Variants in RADIL observed in about 807,000 individuals in gnomAD.
RADIL encodes ras-associating and dilute domain-containing protein.
RADIL carries 99 observed loss-of-function variants against 97.6 expected under a neutral mutation model. That is an observed-to-expected ratio of 1.01 (90% CI 0.86 to 1.20). The LOEUF is 1.20. RADIL is among the 50% of genes most tolerant of loss of function. The pLI is 0.00. For synonymous variants in RADIL, 803 were observed against 691.8 expected (o/e 1.16, Z -2.52); for missense variants, 1,765 against 1,498.9 (o/e 1.18, Z -2.93).
rs748582271 is a variant in RADIL at position 4,815,237 on chromosome 7, C to T, written c.2139+41G>A. 8 of 1,482,476 alleles carry T rather than the reference C, an allele frequency of 5.4e-6. No individual in the cohort carries two copies. The African/African-American group carries it at 5.6e-5, about 10-fold the overall frequency. 91.8% of individuals were successfully genotyped at this position (1,482,476 alleles called of 1,614,324 possible). On this transcript the variant is annotated intron_variant, in intron 9 of 14. Transcript: ENST00000399583. The surrounding 1 kb of genome is among the most constrained non-coding windows in gnomAD (Gnocchi z 8.0). ...GCCAGGGACCCACAGCATGTGGCCC[C>T]GCCCCTCCCCACACTCGCCGCCTCC...
Position 4,835,221 on chromosome 7 carries a change from G to A in RADIL, c.802C>T (p.Leu268Phe), listed in dbSNP as rs561621936. The change falls in exon 4 of 15, where the codon CTC (leucine) becomes TTC (phenylalanine). Residue 268 changes from leucine (L) to phenylalanine (F), a missense_variant. By Grantham distance (22) the Leu-to-Phe change is conservative (BLOSUM62 0). Transcript: ENST00000399583. This position sits in a 1 kb window ranked among gnomAD's most constrained non-coding sequence, Gnocchi z 5.8. ...SQQHDSLVYV[L>F]NRDRHTVGQR... Reference sequence around the variant, plus strand: ...CCCACCGTGTGCCGGTCCCGGTTGAGCACATACACCAGGCTGTCCTGAAAC... The same window carrying A: ...CCCACCGTGTGCCGGTCCCGGTTGAACACATACACCAGGCTGTCCTGAAAC... 15 of 1,610,448 alleles carry A rather than the reference G, an allele frequency of 9.3e-6. No individual in the cohort carries two copies. Among genetic ancestry groups the A allele is most frequent in the Non-Finnish European group, 1.3e-5 (15 of 1,179,862 alleles).
chr7:4,802,329 T>TGGG (rs199667078), intron 11 of RADIL, among the ~76,000 whole-genome samples: 35 of 137,576 alleles, frequency 2.5e-4, no homozygotes, highest in East Asian at 6.4e-4. Context: ...GCATGCTGGC[T>TGGG]GGGCCCCCTC....
At chr7:4,846,404 C>G (rs1284036244) in intron 2 of RADIL, among the ~76,000 whole-genome samples, 1 of 152,050 alleles carries the variant, frequency 6.6e-6, no homozygotes, top group African/African-American at 2.4e-5. Context: ...CTCAGCCTCC[C>G]AAAGTGCTGG....
intron 2 of RADIL, among the ~76,000 whole-genome samples, chr7:4,846,331 G>C (rs527346072): frequency 2.0e-5 from 3 of 151,960 alleles, no homozygotes; most frequent in African/African-American, 7.2e-5. Context: ...ATTTTTAGGA[G>C]AGACGGGGTT....
chr7:4,856,988 A>G (rs1450616489), intron 2 of RADIL, among the ~76,000 whole-genome samples: 1 of 152,244 alleles, frequency 6.6e-6, no homozygotes, highest in African/African-American at 2.4e-5. Flanking sequence ...CCTTAATGCG[A>G]AAAGTCCACC....
At chr7:4,827,352 G>A (rs1160092638) in intron 5 of RADIL, among the ~76,000 whole-genome samples, 2 of 142,226 alleles carry the variant, frequency 1.4e-5, no homozygotes, top group Non-Finnish European at 3.0e-5. Flanking sequence ...ACGACAGAGC[G>A]AGACTGTCTC....
intron 9 of RADIL, chr7:4,811,404 C>T (rs1192412046): frequency 1.3e-5 from 2 of 150,262 alleles, no homozygotes; most frequent in African/African-American, 2.5e-5. Context: ...CAAGGTATTA[C>T]TGGTGTTTTA....
At chr7:4,832,258 G>A (rs972147353) in intron 4 of RADIL, 80 bp from the exon 5 acceptor site, 22 of 1,406,846 alleles carry the variant, frequency 1.6e-5, no homozygotes, top group Admixed American at 3.8e-5. Context: ...CGATACCATC[G>A]ACAGGAAAAC....
chr7:4,837,911 C>G lies in RADIL; in HGVS notation c.536-1306G>C. ...GCAGCCTTTCAGGTTAAGATCCATC[C>G]CCATCTGTGGCGGCCTTTCCTCCAA... On this transcript the variant is annotated intron_variant, in intron 2 of 14. Coordinates refer to ENST00000399583, the MANE Select transcript of RADIL (RefSeq NM_018059.5). The surrounding 1 kb of genome is among the most constrained non-coding windows in gnomAD (Gnocchi z 5.6). 9 of 985,388 alleles carry G rather than the reference C, an allele frequency of 9.1e-6. No individual in the cohort carries two copies. The highest frequency in any genetic ancestry group is 6.1e-5 in the Admixed American group (1 of 16,288). The allele number at this position is 985,388 out of a possible 1,614,324, so 61.0% of individuals were successfully genotyped here.
chr7:4,802,423 C>T (rs1782127585), intron 11 of RADIL, among the ~76,000 whole-genome samples: 1 of 143,660 alleles, frequency 7.0e-6, no homozygotes, highest in Admixed American at 6.9e-5. Flanking sequence ...TCCCCGGGCA[C>T]CTCGGGGCAC....
chr7:4,857,695 G>A (rs1474947074), intron 2 of RADIL: 1 of 152,560 alleles, frequency 6.6e-6, no homozygotes, highest in Non-Finnish European at 1.5e-5. Context: ...TCATATCTTA[G>A]ATTTAAATCG....
chr7:4,876,417 G>C (rs369110671), intron 2 of RADIL, among the ~76,000 whole-genome samples: 2 of 151,684 alleles, frequency 1.3e-5, no homozygotes, highest in African/African-American at 2.4e-5. Flanking sequence ...TCTCCTGCCT[G>C]AGCCTCCTGA....
At chr7:4,816,529 G>A (rs965258915) in intron 7 of RADIL, 64 bp from the exon 8 acceptor site, 10 of 1,375,576 alleles carry the variant, frequency 7.3e-6, no homozygotes, top group Non-Finnish European at 6.1e-6. Context: ...CGAACGGGGG[G>A]CCTGACCCAG....
rs1218895618 is a variant in RADIL at position 4,854,033 on chromosome 7, T to TA, written c.536-17429dup. On this transcript the variant is annotated intron_variant, in intron 2 of 14. Coordinates refer to ENST00000399583, the MANE Select transcript of RADIL (RefSeq NM_018059.5). This position sits in a 1 kb window ranked among gnomAD's most constrained non-coding sequence, Gnocchi z 5.1. ...TGTTGGGACTTCTCCGAAAGCTCCATAGGTGGGCAGTTTGCAGGTACACCT... is the reference window on the plus strand; with the variant it reads ...TGTTGGGACTTCTCCGAAAGCTCCATAAGGTGGGCAGTTTGCAGGTACACCT... 6.6e-6 allele frequency among the ~76,000 whole-genome samples: 1 copy of TA among 152,184 alleles called. No individual in the cohort carries two copies. The highest frequency in any genetic ancestry group is 2.4e-5 in the African/African-American group (1 of 41,428).
chr7:4,831,757 G>A (rs763600947), intron 5 of RADIL, among the ~76,000 whole-genome samples: 3 of 151,928 alleles, frequency 2.0e-5, no homozygotes, highest in East Asian at 3.9e-4. Flanking sequence ...GCATGGTGGT[G>A]CACACCTGCA....
At chr7:4,851,213 AAAAAG>A (rs375776305) in intron 2 of RADIL, among the ~76,000 whole-genome samples, 111 of 152,192 alleles carry the variant, frequency 7.3e-4, no homozygotes, top group African/African-American at 2.1e-3. Flanking sequence ...AAAAAAAGAA[AAAAAG>A]AAAAGAAAAG....
chr7:4,850,478 C>T (rs1212656390), intron 2 of RADIL, among the ~76,000 whole-genome samples: 2 of 152,162 alleles, frequency 1.3e-5, no homozygotes, highest in African/African-American at 4.8e-5. Context: ...TTTGCTGGGC[C>T]GAACCTAATT....
Position 4,867,548 on chromosome 7 carries a change from A to C in RADIL, c.535+10057T>G, listed in dbSNP as rs1784157400. On this transcript the variant is annotated intron_variant, in intron 2 of 14. Transcript: ENST00000399583. The surrounding 1 kb of genome is among the most constrained non-coding windows in gnomAD (Gnocchi z 4.1). ...GTAATCCCAGCACTTTGGGAGGCTG[A>C]GGTGGGAGGATCACTTGAGCCCAGG... Among the ~76,000 whole-genome samples the C allele has an allele frequency of 6.6e-6, 1 of 152,134 alleles. No individual in the cohort carries two copies.
rs768315363 is a variant in RADIL at position 4,816,459 on chromosome 7, A to T, written c.1735T>A (p.Tyr579Asn). ...QCVYYVSKSL[Y>N]ICLPALLECP... is the part of the protein sequence containing the mutation. ...TCCAGGAGTGCCGGGAGGCAGATGT[A>T]CAGGGACTGGCGGGGGCAAGAGGAG... Residue 579 changes from tyrosine to asparagine, a missense_variant, in exon 8 of 15, where the codon TAC becomes AAC. Tyr to Asn is a moderately radical substitution (Grantham distance 143). Transcript: ENST00000399583. 9.3e-6 allele frequency: 15 copies of T among 1,606,010 alleles called. No individual in the cohort carries two copies. The East Asian group carries it at 3.4e-4, about 36-fold the overall frequency.
Sources: allele counts gnomAD v4.1 joint callset (sites outside exome capture counted in the v4.1 genomes callset), GRCh38; gene constraint gnomAD v4.1.1; non-coding constraint Gnocchi (gnomAD v3.1); transcripts MANE v1.5; gene names NCBI Gene and HGNC (gene_info 2026-07-23, HGNC 2026-07-21).